The following ZNF454 variants were observed in gnomAD, a reference collection of about 807,000 sequenced individuals.
ZNF454 encodes zinc finger protein 454.
A neutral mutation model predicts 48.2 loss-of-function variants in ZNF454; 30 were observed. The ratio of observed to expected loss-of-function variants is 0.62; its 90% confidence interval spans 0.47 to 0.84. The LOEUF is 0.84. Ranked by LOEUF, ZNF454 falls within the 40% of genes least tolerant of loss-of-function variation. The pLI is 0.00. For synonymous variants in ZNF454, 204 were observed against 211.4 expected, an observed-to-expected ratio of 0.97 and a Z score of 0.30; for missense variants, 510 against 623.1, an observed-to-expected ratio of 0.82 and a Z score of 1.93.
At chr5:178,963,007 C>T (rs1455122156) in intron 4 of ZNF454, among the ~76,000 whole-genome samples, 1 of 151,768 alleles carries the variant, frequency 6.6e-6, no homozygotes, top group Non-Finnish European at 1.5e-5. Flanking sequence ...CTTGGAAGGT[C>T]CTGGTTCTGT....
rs777490761 is a variant in ZNF454, at chr5:178,964,855, G to A, written c.451G>A (p.Glu151Lys). ...CACTCACCCCAACACCCCATCACAG[G>A]AATGTGATGAATCCGGGAGCACTAT... is the stretch of plus-strand genomic sequence containing the variant. Reference protein sequence around the residue: ...VLTHPNTPSQECDESGSTMSS... With the variant: ...VLTHPNTPSQKCDESGSTMSS... Residue 151 changes from glutamate (E) to lysine (K), a missense_variant, in exon 5 of 5, where the codon GAA becomes AAA. By Grantham distance (56) the Glu-to-Lys change is moderately conservative. Transcript: ENST00000519564. The A allele has an allele frequency of 6.2e-7, 1 of 1,614,166 alleles. No homozygotes were observed. Among genetic ancestry groups the A allele is most frequent in the Admixed American group, 1.7e-5 (1 of 60,022 alleles).
Position 178,942,755 on chromosome 5 carries a change from T to C in ZNF454, c.-37T>C. On this transcript the variant is annotated 5_prime_UTR_variant, in exon 2 of 5. Coordinates refer to ENST00000519564, the MANE Select transcript of ZNF454 (RefSeq NM_001178089.3). ...GCTCCACACCTGCCTCCATAGCACT[T>C]TGCCTGTCCCTAAGAGGGCTCATCG... The C allele has an allele frequency of 1.2e-6, 2 of 1,613,796 alleles. No homozygotes were observed. The highest frequency in any genetic ancestry group is 1.7e-6 in the Non-Finnish European group (2 of 1,179,886).
intron 4 of ZNF454, among the ~76,000 whole-genome samples, chr5:178,958,511 T>C (rs1307905620): frequency 6.6e-6 from 1 of 152,268 alleles, no homozygotes; most frequent in East Asian, 1.9e-4. Flanking sequence ...ATTTGGTTTA[T>C]TTCTAGCTTA....
chr5:178,947,620 C>G (rs938097025), intron 4 of ZNF454, among the ~76,000 whole-genome samples: 1 of 152,140 alleles, frequency 6.6e-6, no homozygotes, highest in African/African-American at 2.4e-5. Flanking sequence ...AAAGACATGA[C>G]AGTTTGGTGA....
Position 178,946,873 on chromosome 5 carries a change from A to T in ZNF454, c.161-24A>T. 1 of 1,601,136 alleles carries T rather than the reference A, an allele frequency of 6.2e-7. No individual in the cohort carries two copies. Among genetic ancestry groups the T allele is most frequent in the Non-Finnish European group, 8.6e-7 (1 of 1,169,390 alleles). On this transcript the variant is annotated intron_variant, in intron 3 of 4. Transcript: ENST00000519564. The surrounding 1 kb of genome is among the most constrained non-coding windows in gnomAD (Gnocchi z 4.5). ...TCTCTCGTATAAACAGATGTGGTTC[A>T]TTTTTGTCTCCCCTTAAAAACAGGA...
At chr5:178,984,956 A>G in the ZNF454 span, among the ~76,000 whole-genome samples, 1 of 152,168 alleles carries the variant, frequency 6.6e-6, no homozygotes, top group African/African-American at 2.4e-5. Context: ...CTCTTCACAC[A>G]GAAAACATCC....
intron 4 of ZNF454, among the ~76,000 whole-genome samples, chr5:178,952,917 T>C (rs1435451206): frequency 6.6e-6 from 1 of 152,104 alleles, no homozygotes; most frequent in Non-Finnish European, 1.5e-5. Flanking sequence ...TTCCCCCTTT[T>C]CTTTATTTTA....
rs764701223 is a variant in ZNF454 at position 178,944,996 on chromosome 5, A to G, written c.34-1363A>G. Among the ~76,000 whole-genome samples, 7 of 143,770 alleles carry G rather than the reference A, an allele frequency of 4.9e-5. No homozygotes were observed. Among genetic ancestry groups the G allele is most frequent in the Admixed American group, 7.1e-5 (1 of 14,006 alleles). 94.3% of individuals were successfully genotyped at this position (143,770 alleles called of 152,430 possible). On this transcript the variant is annotated intron_variant, in intron 2 of 4. Transcript: ENST00000519564. The surrounding 1 kb of genome is among the most constrained non-coding windows in gnomAD (Gnocchi z 4.1). ...CAGAATGACTGGTTCCATGGGACCC[A>G]TGTGTGTGTATGCACATGTGCACAC... is the stretch of plus-strand genomic sequence containing the variant.
the ZNF454 span, chr5:178,988,820 A>G: frequency 1.2e-6 from 1 of 827,238 alleles, no homozygotes. This position sits in a 1 kb window ranked among gnomAD's most constrained non-coding sequence, Gnocchi z 6.0. Context: ...AGGCACCCCC[A>G]TTAGACCACT....
chr5:178,964,209 C>T (rs1720230676), intron 4 of ZNF454, among the ~76,000 whole-genome samples: 1 of 151,626 alleles, frequency 6.6e-6, no homozygotes, highest in Admixed American at 6.6e-5. Flanking sequence ...CAAGCTCCGC[C>T]TCCCGGGTTC....
intron 4 of ZNF454, among the ~76,000 whole-genome samples, chr5:178,952,332 G>A (rs1156907653): frequency 2.0e-5 from 3 of 152,168 alleles, no homozygotes; most frequent in Non-Finnish European, 2.9e-5. Flanking sequence ...CCACCGCGCC[G>A]AGGTTGAACA....
chr5:178,947,000 G>A lies in ZNF454; in HGVS notation c.250+14G>A, dbSNP rs1416319282. On this transcript the variant is annotated intron_variant, in intron 4 of 4. Transcript: ENST00000519564. This position sits in a 1 kb window ranked among gnomAD's most constrained non-coding sequence, Gnocchi z 4.5. ...GCTTCTGTCTTGGTAAGAATCATGT[G>A]TGTGGGAGACACCGGGAGGAGCCCT... 1 of 1,610,188 alleles carries A rather than the reference G, an allele frequency of 6.2e-7. No homozygotes were observed. The highest frequency in any genetic ancestry group is 1.1e-5 in the South Asian group (1 of 90,448).
the ZNF454 span, among the ~76,000 whole-genome samples, chr5:178,973,086 C>T: frequency 6.6e-6 from 1 of 150,920 alleles, no homozygotes; most frequent in African/African-American, 2.4e-5. Context: ...CTACCTCCCT[C>T]CCTCCTTCCT....
chr5:178,975,288 A>G, the ZNF454 span, among the ~76,000 whole-genome samples: 1 of 152,188 alleles, frequency 6.6e-6, no homozygotes, highest in East Asian at 1.9e-4. Context: ...CTCAAAAACA[A>G]AAAAAAGATG....
chr5:178,966,769 C>T (rs979167372), downstream of ZNF454, among the ~76,000 whole-genome samples: 3 of 152,052 alleles, frequency 2.0e-5, no homozygotes, highest in East Asian at 1.9e-4. Context: ...AGAGAAAGTA[C>T]GTCACCCACA....
chr5:178,941,965 G>A lies in ZNF454; in HGVS notation c.-108+521G>A, dbSNP rs919107832. Among the ~76,000 whole-genome samples the A allele has an allele frequency of 2.0e-5, 3 of 152,060 alleles. No individual in the cohort carries two copies. Among genetic ancestry groups the A allele is most frequent in the Admixed American group, 2.0e-4 (3 of 15,260 alleles). On this transcript the variant is annotated intron_variant, in intron 1 of 4. Coordinates refer to ENST00000519564, the MANE Select transcript of ZNF454 (RefSeq NM_001178089.3). This position sits in a 1 kb window ranked among gnomAD's most constrained non-coding sequence, Gnocchi z 5.5. ...CTCTTCTCCTGTCACTGCCAGATAA[G>A]GCAGCTGTTCCAAAGCCGCAGAGGG...
chr5:178,985,573 G>C, the ZNF454 span: 9 of 338,770 alleles, frequency 2.7e-5, no homozygotes, highest in East Asian at 8.3e-5. Context: ...CGTGGTGGCG[G>C]GCGCCTGTAG....
At chr5:178,959,900 C>T (rs1347720826) in intron 4 of ZNF454, among the ~76,000 whole-genome samples, 4 of 151,206 alleles carry the variant, frequency 2.6e-5, no homozygotes, top group South Asian at 2.1e-4. Context: ...CCACCGTGCC[C>T]GGCCCCTTTT....
the ZNF454 span, chr5:178,987,384 C>A: frequency 2.2e-6 from 1 of 464,380 alleles, no homozygotes; most frequent in South Asian, 1.5e-5. Flanking sequence ...GCGTTATTCA[C>A]ATAGCCACAA....
Sources: allele counts gnomAD v4.1 joint callset (sites outside exome capture counted in the v4.1 genomes callset), GRCh38; gene constraint gnomAD v4.1.1; non-coding constraint Gnocchi (gnomAD v3.1); transcripts MANE v1.5; gene names NCBI Gene and HGNC (gene_info 2026-07-23, HGNC 2026-07-21).